The following SOD2 variants were observed in gnomAD, a reference collection of about 807,000 sequenced individuals.
SOD2 encodes the protein superoxide dismutase [Mn], mitochondrial.
SOD2 carries 11 observed loss-of-function variants against 27.0 expected under a neutral mutation model. The ratio of observed to expected loss-of-function variants is 0.41; its 90% confidence interval spans 0.26 to 0.67. The LOEUF (loss-of-function observed/expected upper bound fraction) is 0.67, where lower values mean the gene tolerates loss of function less well. Ranked by LOEUF, SOD2 falls within the 30% of genes least tolerant of loss-of-function variation. The probability of loss-of-function intolerance (pLI) is 0.34; values close to 1 mark genes in which losing one functional copy is unlikely to be tolerated. For missense variants in SOD2, 250 were observed against 274.5 expected (o/e 0.91, Z 0.63); for synonymous variants, 105 against 103.0 (o/e 1.02, Z -0.12).
intron 1 of SOD2, chr6:159,755,537 A>G: frequency 6.2e-7 from 1 of 1,614,188 alleles, no homozygotes; most frequent in Non-Finnish European, 8.5e-7. Context: ...TGGGAAAGGT[A>G]ATCGAACTGT....
In SOD2 at chr6:159,684,966, A is replaced by T. The variant is rs1271665250; in HGVS notation, c.411T>A (p.Ala137=). 3 of 1,613,774 alleles carry T rather than the reference A, an allele frequency of 1.9e-6. No homozygotes were observed. The highest frequency in any genetic ancestry group is 2.5e-6 in the Non-Finnish European group (3 of 1,179,846). ...CTGAGCCTTGGACACCAACAGATGC[A>T]GCCGTCAGCTTCTCCTTAAACTTGT... ...SFDKFKEKLT[A]ASVGVQGSGW... Residue 137 remains alanine (A), a synonymous_variant, in exon 4 of 5, where the codon GCT becomes GCA. Coordinates refer to ENST00000538183, the MANE Select transcript of SOD2 (RefSeq NM_000636.4).
upstream of SOD2, among the ~76,000 whole-genome samples, chr6:159,729,772 A>G (rs993891952): frequency 3.9e-5 from 6 of 152,156 alleles, no homozygotes; most frequent in Non-Finnish European, 8.8e-5. Context: ...GTGTCTGCAG[A>G]TTGGTGTCTT....
chr6:159,735,558 G>C (rs1202461054), intron 1 of SOD2, among the ~76,000 whole-genome samples: 2 of 152,164 alleles, frequency 1.3e-5, no homozygotes, highest in Non-Finnish European at 2.9e-5. Context: ...AGACCAGCCT[G>C]ACCAACACGG....
intron 1 of SOD2, among the ~76,000 whole-genome samples, chr6:159,709,534 C>T (rs553366587): frequency 2.6e-5 from 4 of 152,290 alleles, no homozygotes; most frequent in African/African-American, 9.6e-5. Context: ...CATCACTGGC[C>T]ATCAGAGAAA....
At chr6:159,702,052 G>T (rs568626586) in intron 1 of SOD2, among the ~76,000 whole-genome samples, 23 of 152,272 alleles carry the variant, frequency 1.5e-4, no homozygotes, top group Admixed American at 2.6e-4. Context: ...TCAGTTCAAT[G>T]GTTTATGGGC....
chr6:159,727,501 G>T, upstream of SOD2: 8 of 993,340 alleles, frequency 8.1e-6, no homozygotes, highest in Non-Finnish European at 8.4e-6. Context: ...GCGGGGCCTG[G>T]TTTCCTCCCT....
chr6:159,732,872 CTG>C (rs1393833380), intron 1 of SOD2, among the ~76,000 whole-genome samples: 1 of 123,334 alleles, frequency 8.1e-6, no homozygotes, highest in East Asian at 2.4e-4. Flanking sequence ...CTCTCTCTCT[CTG>C]TATATATATA....
chr6:159,682,680 G>T (rs750806702), intron 4 of SOD2, 42 bp from the exon 5 acceptor site: 2 of 1,557,878 alleles, frequency 1.3e-6, no homozygotes, highest in South Asian at 2.4e-5. Context: ...ATCAGTTTCA[G>T]TCTAAAACAT....
chr6:159,754,330 G>GGGCCTCTTTGGAGT (rs1351880431), intron 1 of SOD2, among the ~76,000 whole-genome samples: 1 of 152,136 alleles, frequency 6.6e-6, no homozygotes, highest in Non-Finnish European at 1.5e-5. Context: ...TTGAGAACAT[G>GGGCCTCTTTGGAGT]GGCCTCTTTG....
exon 1 of SOD2, chr6:159,762,003 C>G: frequency 6.6e-7 from 1 of 1,523,986 alleles, no homozygotes; most frequent in South Asian, 1.2e-5. Context: ...CCTCAGGTCC[C>G]GCCCGCGGCA....
intron 1 of SOD2, among the ~76,000 whole-genome samples, chr6:159,712,451 A>T (rs553444335): frequency 0.12 from 1,277 of 10,664 alleles, 118 homozygotes; most frequent in East Asian, 0.14. Context: ...CACACTGCTC[A>T]GACCTCCATA....
intron 1 of SOD2, among the ~76,000 whole-genome samples, chr6:159,720,847 C>CATTT (rs1778022440): frequency 5.0e-5 from 3 of 59,946 alleles, no homozygotes; most frequent in Non-Finnish European, 8.8e-5. Flanking sequence ...TTTTCTTTAC[C>CATTT]TTTTTTTTTT....
chr6:159,678,930 A>G lies in SOD2; in HGVS notation c.*3563T>C, dbSNP rs1193477340. The stretch of plus-strand genomic sequence containing the variant: ...CACTTTGGTTTTGTCGTATATCCCT[A>G]ATACTATGCTTTTAGGTTATCAGAT... On this transcript the variant is annotated 3_prime_UTR_variant, in exon 5 of 5. Transcript: ENST00000538183. The G allele has an allele frequency of 6.6e-6, 1 of 152,224 alleles. No individual in the cohort carries two copies. Among genetic ancestry groups the G allele is most frequent in the Non-Finnish European group, 1.5e-5 (1 of 68,048 alleles). The allele number at this position is 152,224 out of a possible 1,614,324, so 9.4% of individuals were successfully genotyped here.
rs1157913020 is a variant in SOD2, at chr6:159,720,151, C to A, written c.-116+6978G>T. Among the ~76,000 whole-genome samples, 4 of 151,908 alleles carry A rather than the reference C, an allele frequency of 2.6e-5. No individual in the cohort carries two copies. The East Asian group carries it at 7.7e-4, about 29-fold the overall frequency. On this transcript the variant is annotated intron_variant, in intron 1 of 2. Transcript: ENST00000401980. ...GTTCAAGCGAATCTCCTGTCTCATC[C>A]TCCGGAGTAGCTGGGATTACAGACG... is the stretch of plus-strand genomic sequence containing the variant.
In SOD2 at chr6:159,674,530, T is replaced by C. The variant is rs1214366146; in HGVS notation, c.*7963A>G. ...ATCTCAACAGATGCAGAAAAGGCCTTGGACAAAATTCAACAGCCCTTCATG... is the reference window on the plus strand; with the variant it reads ...ATCTCAACAGATGCAGAAAAGGCCTCGGACAAAATTCAACAGCCCTTCATG... On this transcript the variant is annotated 3_prime_UTR_variant, in exon 5 of 5. Transcript: ENST00000538183. 1 of 152,226 alleles carries C rather than the reference T, an allele frequency of 6.6e-6. No homozygotes were observed. Among genetic ancestry groups the C allele is most frequent in the Non-Finnish European group, 1.5e-5 (1 of 68,042 alleles). The allele number at this position is 152,226 out of a possible 1,614,324, so 9.4% of individuals were successfully genotyped here.
Position 159,672,644 on chromosome 6 carries a change from A to C in SOD2, c.*9849T>G, listed in dbSNP as rs546897149. 1 of 152,362 alleles carries C rather than the reference A, an allele frequency of 6.6e-6. No individual in the cohort carries two copies. Among genetic ancestry groups the C allele is most frequent in the African/African-American group, 2.4e-5 (1 of 41,590 alleles). 9.4% of individuals were successfully genotyped at this position (152,362 alleles called of 1,614,324 possible). A position where few individuals can be genotyped will look rare whatever the true frequency, so the allele number is the denominator to read the frequency against. On this transcript the variant is annotated 3_prime_UTR_variant, in exon 5 of 5. Coordinates refer to ENST00000538183, the MANE Select transcript of SOD2 (RefSeq NM_000636.4). ...TATCAGCCACTGCAAAAACATGCCA[A>C]ATTGTAAAGACCATTGAGGCTAGGA...
upstream of SOD2, chr6:159,748,075 GA>G (rs554462656): frequency 7.9e-6 from 10 of 1,271,686 alleles, no homozygotes; most frequent in Non-Finnish European, 1.1e-5. The surrounding 1 kb of genome is among the most constrained non-coding windows in gnomAD (Gnocchi z 5.6). Flanking sequence ...CAGGATCAAA[GA>G]GGGGAGGAGC....
At chr6:159,712,800 A>G in intron 1 of SOD2, 1 of 538,834 alleles carries the variant, frequency 1.9e-6, no homozygotes, top group Non-Finnish European at 3.7e-6. Context: ...CTGGTTGGGT[A>G]AGCCCATCTC....
upstream of SOD2, chr6:159,730,868 A>G (rs1778523227): frequency 6.6e-6 from 1 of 152,188 alleles, no homozygotes; most frequent in Non-Finnish European, 1.5e-5. Context: ...AGCACCATTT[A>G]ATTAAAATCT....
Sources: gnomAD v4.1 joint callset for allele counts (sites outside exome capture counted in the v4.1 genomes callset) on GRCh38, gnomAD v4.1.1 for gene constraint, Gnocchi (gnomAD v3.1) non-coding constraint, MANE v1.5 for transcripts, NCBI Gene and HGNC (gene_info 2026-07-23, HGNC 2026-07-21) for gene names.